The following L3MBTL4 variants were observed in gnomAD, a reference collection of about 807,000 sequenced individuals.
The protein encoded by L3MBTL4 is lethal(3)malignant brain tumor-like protein 4.
In L3MBTL4, 70 loss-of-function variants were observed where a neutral mutation model predicts 84.5. The observed-to-expected ratio is 0.83, with a 90% CI of 0.68 to 1.01. L3MBTL4 has a LOEUF of 1.01. L3MBTL4 is among the 50% of genes least tolerant of loss of function. The probability of loss-of-function intolerance (pLI) is 0.00; values close to 1 mark genes in which losing one functional copy is unlikely to be tolerated. For synonymous variants in L3MBTL4, 274 were observed against 259.8 expected (o/e 1.05, Z -0.52); for missense variants, 715 against 754.8 (o/e 0.95, Z 0.62).
In L3MBTL4 at chr18:6,131,594, A is replaced by T. The variant is rs534071750; in HGVS notation, c.1199+6600T>A. 1.2e-4 allele frequency among the ~76,000 whole-genome samples: 19 copies of T among 152,292 alleles called. No homozygotes were observed. In the South Asian group the frequency reaches 3.9e-3, roughly 32 times the overall value. On this transcript the variant is annotated intron_variant, in intron 14 of 18. Transcript: ENST00000317931. The stretch of plus-strand genomic sequence containing the variant: ...TAGGAAACTCAAGCTAGAAATGATG[A>T]TTATATTAATAGTACACCTAGGAAT...
intron 14 of L3MBTL4, among the ~76,000 whole-genome samples, chr18:6,114,355 C>T (rs1330307137): frequency 6.6e-6 from 1 of 152,212 alleles, no homozygotes; most frequent in Non-Finnish European, 1.5e-5. Flanking sequence ...GTCACGACTC[C>T]ACTTGAAATT....
At chr18:6,287,129 GA>G (rs1208372060) in intron 4 of L3MBTL4, among the ~76,000 whole-genome samples, 1 of 152,090 alleles carries the variant, frequency 6.6e-6, no homozygotes, top group Non-Finnish European at 1.5e-5. Context: ...GCATTAAACT[GA>G]ATCACCTAGA....
At chr18:6,199,710 G>C (rs1457322539) in intron 12 of L3MBTL4, among the ~76,000 whole-genome samples, 2 of 152,148 alleles carry the variant, frequency 1.3e-5, no homozygotes, top group African/African-American at 2.4e-5. Context: ...GATAGCTTTG[G>C]GGGTCAGAAA....
chr18:5,966,471 T>A (rs2052359302), intron 17 of L3MBTL4, among the ~76,000 whole-genome samples: 1 of 152,136 alleles, frequency 6.6e-6, no homozygotes. Context: ...TCCTTGGAAG[T>A]CAGTGCCCCT....
intron 5 of L3MBTL4, among the ~76,000 whole-genome samples, chr18:6,252,118 CCTG>C (rs1265447215): frequency 6.6e-6 from 1 of 152,146 alleles, no homozygotes. Context: ...TCAAGAAGAG[CCTG>C]GCCAACATGG....
At chr18:6,165,809 G>T (rs1184022214) in intron 13 of L3MBTL4, among the ~76,000 whole-genome samples, 1 of 152,142 alleles carries the variant, frequency 6.6e-6, no homozygotes, top group African/African-American at 2.4e-5. Flanking sequence ...CATAATGACA[G>T]GATCAAATTC....
intron 15 of L3MBTL4, among the ~76,000 whole-genome samples, chr18:6,089,379 T>C (rs1332737324): frequency 6.6e-6 from 1 of 152,152 alleles, no homozygotes; most frequent in Non-Finnish European, 1.5e-5. Flanking sequence ...GTAGTTCTAT[T>C]ATTATTATTA....
chr18:6,123,791 T>C (rs957066459), intron 14 of L3MBTL4, among the ~76,000 whole-genome samples: 1 of 152,220 alleles, frequency 6.6e-6, no homozygotes, highest in South Asian at 2.1e-4. Context: ...TTTGTCCTAC[T>C]ACCTGGCATT....
chr18:6,145,312 A>G (rs2042601124), intron 13 of L3MBTL4, among the ~76,000 whole-genome samples: 1 of 152,198 alleles, frequency 6.6e-6, no homozygotes, highest in Non-Finnish European at 1.5e-5. Context: ...AAAATGGGTT[A>G]CAGACTGAGA....
intron 10 of L3MBTL4, among the ~76,000 whole-genome samples, chr18:6,226,417 A>C (rs755436616): frequency 2.6e-5 from 4 of 152,170 alleles, no homozygotes; most frequent in Non-Finnish European, 5.9e-5. Flanking sequence ...AAATAATAAT[A>C]ATAAAATAAA....
At chr18:6,051,745 C>T (rs1366929713) in intron 16 of L3MBTL4, among the ~76,000 whole-genome samples, 3 of 152,098 alleles carry the variant, frequency 2.0e-5, no homozygotes, top group African/African-American at 4.8e-5. Flanking sequence ...GGAGGTGGTG[C>T]CTGTGCTAAG....
At chr18:6,320,796 G>A (rs1442959923) in intron 1 of L3MBTL4, among the ~76,000 whole-genome samples, 4 of 151,928 alleles carry the variant, frequency 2.6e-5, no homozygotes, top group Admixed American at 6.6e-5. Context: ...GCAACCCTAA[G>A]CAAAAATAAT....
chr18:5,962,121 G>A (rs1458495167), intron 17 of L3MBTL4, among the ~76,000 whole-genome samples: 1 of 152,120 alleles, frequency 6.6e-6, no homozygotes, highest in Non-Finnish European at 1.5e-5. Context: ...GGGGAACAGG[G>A]AGGACAGGAA....
chr18:6,114,640 T>C (rs1422591402), intron 14 of L3MBTL4, among the ~76,000 whole-genome samples: 1 of 152,224 alleles, frequency 6.6e-6, no homozygotes, highest in African/African-American at 2.4e-5. Flanking sequence ...ATTTCCAGAA[T>C]TGCATCACTC....
At position 6,414,343 on chromosome 18, in the gene L3MBTL4, A is replaced by T. The variant is rs544300329; in HGVS notation, c.-91+458T>A. Among the ~76,000 whole-genome samples, 4 of 152,292 alleles carry T rather than the reference A, an allele frequency of 2.6e-5. No individual in the cohort carries two copies. The South Asian group carries it at 8.3e-4, about 32-fold the overall frequency. On this transcript the variant is annotated intron_variant, in intron 1 of 18. Coordinates refer to ENST00000317931, the MANE Select transcript of L3MBTL4 (RefSeq NM_001330559.2). This position sits in a 1 kb window ranked among gnomAD's most constrained non-coding sequence, Gnocchi z 5.4. The stretch of plus-strand genomic sequence containing the variant: ...GGGCAGACGGGGGCGTTAGCCCCAG[A>T]GGAAACAAAAGCCAAATGCCCACCG...
chr18:6,386,951 C>A (rs2054846911), intron 1 of L3MBTL4, among the ~76,000 whole-genome samples: 1 of 152,176 alleles, frequency 6.6e-6, no homozygotes, highest in Non-Finnish European at 1.5e-5. Context: ...ACTGAAGAGT[C>A]TGTAGCAGTG....
chr18:6,081,484 A>G (rs2058076054), intron 15 of L3MBTL4, among the ~76,000 whole-genome samples: 1 of 152,238 alleles, frequency 6.6e-6, no homozygotes, highest in Non-Finnish European at 1.5e-5. Context: ...CTTGAGGCTC[A>G]TACTTTATAA....
intron 1 of L3MBTL4, among the ~76,000 whole-genome samples, chr18:6,386,450 C>T (rs576380382): frequency 1.1e-4 from 16 of 152,342 alleles, no homozygotes; most frequent in East Asian, 5.8e-4. Flanking sequence ...CTACATGTGA[C>T]GCACTGTGCT....
At chr18:6,043,714 A>G (rs1297946679) in intron 16 of L3MBTL4, among the ~76,000 whole-genome samples, 1 of 152,200 alleles carries the variant, frequency 6.6e-6, no homozygotes, top group East Asian at 1.9e-4. Flanking sequence ...TAAGCAATGT[A>G]CCCCAATGCC....
Sources: gnomAD v4.1 joint callset for allele counts (sites outside exome capture counted in the v4.1 genomes callset) on GRCh38, gnomAD v4.1.1 for gene constraint, Gnocchi (gnomAD v3.1) non-coding constraint, MANE v1.5 for transcripts, NCBI Gene and HGNC (gene_info 2026-07-23, HGNC 2026-07-21) for gene names.